VANGL1: variants seen among roughly 807,000 people sequenced by gnomAD.
The protein encoded by VANGL1 is vang-like protein 1.
A neutral mutation model predicts 48.4 loss-of-function variants in VANGL1; 18 were observed. The observed-to-expected ratio is 0.37, with a 90% CI of 0.26 to 0.55. The LOEUF is 0.55. Among genes scored for constraint, VANGL1 ranks in the 20% least tolerant of loss-of-function variants. VANGL1 has a pLI of 0.81. For missense variants in VANGL1, 667 were observed against 675.8 expected, an observed-to-expected ratio of 0.99 and a Z score of 0.14; for synonymous variants, 257 against 261.8, an observed-to-expected ratio of 0.98 and a Z score of 0.18.
chr1:115,660,884 C>T (rs1436011743), intron 3 of VANGL1, among the ~76,000 whole-genome samples: 1 of 152,190 alleles, frequency 6.6e-6, no homozygotes, highest in Non-Finnish European at 1.5e-5. Context: ...TTTAGTGCTG[C>T]CTGCCTTGGC....
intron 4 of VANGL1, among the ~76,000 whole-genome samples, chr1:115,664,484 C>T (rs1652699396): frequency 1.3e-5 from 2 of 152,056 alleles, no homozygotes; most frequent in South Asian, 4.2e-4. Context: ...TGGCTCTCAC[C>T]CAGGTTGAGA....
chr1:115,664,161 C>T lies in VANGL1; in HGVS notation c.705C>T (p.Tyr235=), dbSNP rs770264647. 1 of 1,614,152 alleles carries T rather than the reference C, an allele frequency of 6.2e-7. No homozygotes were observed. Among genetic ancestry groups the T allele is most frequent in the Admixed American group, 1.7e-5 (1 of 60,028 alleles). ...SLVDALLFIH[Y]LAIVLLELRQ... ...TGGATGCCCTCCTCTTCATCCATTA[C>T]CTGGCCATCGTCCTGCTGGAGCTCA... Residue 235 remains tyrosine (Y), a synonymous_variant, in exon 4 of 8, where the codon TAC becomes TAT. Coordinates refer to ENST00000355485, the MANE Select transcript of VANGL1 (RefSeq NM_138959.3).
intron 2 of VANGL1, among the ~76,000 whole-genome samples, chr1:115,654,548 G>C (rs1363776779): frequency 6.7e-6 from 1 of 150,110 alleles, no homozygotes; most frequent in African/African-American, 2.5e-5. Flanking sequence ...AGCTGTTTCT[G>C]GTATTTCATA....
In VANGL1 at chr1:115,657,464, T is replaced by C. The variant is rs576879102; in HGVS notation, c.72-2177T>C. On this transcript the variant is annotated intron_variant, in intron 2 of 7. Coordinates refer to ENST00000355485, the MANE Select transcript of VANGL1 (RefSeq NM_138959.3). ...TTCCTTGTCTGTAGAATGAAGACAATGATACTGCCTTCATAGGATTATTAT... is the reference window on the plus strand; with the variant it reads ...TTCCTTGTCTGTAGAATGAAGACAACGATACTGCCTTCATAGGATTATTAT... Among the ~76,000 whole-genome samples, 4 of 152,290 alleles carry C rather than the reference T, an allele frequency of 2.6e-5. No homozygotes were observed. The South Asian group carries it at 8.3e-4, about 32-fold the overall frequency.
intron 4 of VANGL1, among the ~76,000 whole-genome samples, chr1:115,667,100 A>T (rs1290553789): frequency 6.6e-6 from 1 of 152,244 alleles, no homozygotes; most frequent in Non-Finnish European, 1.5e-5. Context: ...GACCCAGCAG[A>T]ATCACAGGCT....
At chr1:115,686,194 G>A (rs1653610688) in intron 7 of VANGL1, among the ~76,000 whole-genome samples, 1 of 151,958 alleles carries the variant, frequency 6.6e-6, no homozygotes, top group Admixed American at 6.6e-5. Flanking sequence ...TAGAGGAACT[G>A]AAACAGTTAA....
At chr1:115,660,398 A>C (rs1399181450) in intron 3 of VANGL1, among the ~76,000 whole-genome samples, 1 of 152,208 alleles carries the variant, frequency 6.6e-6, no homozygotes, top group Non-Finnish European at 1.5e-5. Context: ...CCAGACACCT[A>C]CTGTTGCTCA....
At chr1:115,654,498 TAAAAAAAAAA>T (rs869142756) in intron 2 of VANGL1, among the ~76,000 whole-genome samples, 3 of 90,822 alleles carry the variant, frequency 3.3e-5, no homozygotes, top group Non-Finnish European at 6.2e-5. Flanking sequence ...TTGGTAGGGC[TAAAAAAAAAA>T]AAAAAAAAAA....
Position 115,685,383 on chromosome 1 carries a change from T to G in VANGL1, c.1170T>G (p.Pro390=). ...AAGCCCCAGGGGAGGTGATGGACCC[T>G]AGGGAGGCCGCCCAGGCCATTTTCC... ...QQKAPGEVMD[P]REAAQAIFPS... The change falls in exon 7 of 8, where the codon CCT becomes CCG. Residue 390 remains proline, a synonymous_variant. Coordinates refer to ENST00000355485, the MANE Select transcript of VANGL1 (RefSeq NM_138959.3). The G allele has an allele frequency of 6.2e-7, 1 of 1,614,006 alleles. No individual in the cohort carries two copies. The highest frequency in any genetic ancestry group is 1.1e-5 in the South Asian group (1 of 91,072).
At chr1:115,661,965 G>A (rs1652574412) in intron 3 of VANGL1, among the ~76,000 whole-genome samples, 1 of 152,154 alleles carries the variant, frequency 6.6e-6, no homozygotes, top group South Asian at 2.1e-4. Flanking sequence ...GAGTGGAATT[G>A]CTGGGCCATA....
chr1:115,659,057 A>G (rs1342980509), intron 2 of VANGL1, among the ~76,000 whole-genome samples: 2 of 152,092 alleles, frequency 1.3e-5, no homozygotes, highest in East Asian at 1.9e-4. Flanking sequence ...TTCAAGTTCA[A>G]CTAGAACCTA....
intron 1 of VANGL1, chr1:115,642,776 C>T (rs1218514197): frequency 6.6e-6 from 1 of 152,210 alleles, no homozygotes; most frequent in African/African-American, 2.4e-5. Context: ...CAAGGTGTCC[C>T]TGCTGGAGGA....
Position 115,697,383 on chromosome 1 carries a change from A to G in VANGL1, c.*6004A>G, listed in dbSNP as rs1465987392. ...TACAAAAATCTAAACTATGGCAATA[A>G]TTTATTTTTATAATAGTTTACGGTA... On this transcript the variant is annotated 3_prime_UTR_variant, in exon 8 of 8. Transcript: ENST00000355485. The G allele has an allele frequency of 6.6e-6, 1 of 152,218 alleles. No homozygotes were observed. The highest frequency in any genetic ancestry group is 1.5e-5 in the Non-Finnish European group (1 of 68,044). 9.4% of individuals were successfully genotyped at this position (152,218 alleles called of 1,614,324 possible).
rs1405811101 is a variant in VANGL1, at chr1:115,685,451, G to A, written c.1238G>A (p.Arg413Gln). 13 of 1,613,954 alleles carry A rather than the reference G, an allele frequency of 8.1e-6. No individual in the cohort carries two copies. In the South Asian group the frequency reaches 8.8e-5, roughly 11 times the overall value. ...RALQKYLRIT[R>Q]QQNYHSMESI... is the part of the protein sequence containing the mutation. ...CTCCAGAAGTACCTGCGCATCACCC[G>A]GCAGCAGAACTACCACAGCATGGAG... The change falls in exon 7 of 8, where the codon CGG (arginine) becomes CAG (glutamine). Residue 413 changes from arginine (R) to glutamine (Q), a missense_variant. By Grantham distance (43) the Arg-to-Gln change is conservative. Transcript: ENST00000355485.
At chr1:115,672,316 T>G (rs931827769) in intron 4 of VANGL1, among the ~76,000 whole-genome samples, 1 of 152,152 alleles carries the variant, frequency 6.6e-6, no homozygotes, top group Non-Finnish European at 1.5e-5. Flanking sequence ...ACAGCTTGAA[T>G]TTCAAACCAA....
chr1:115,685,003 A>G (rs1038104848), intron 6 of VANGL1, among the ~76,000 whole-genome samples: 4 of 152,190 alleles, frequency 2.6e-5, no homozygotes, highest in Non-Finnish European at 4.4e-5. Flanking sequence ...GGACTAGTGC[A>G]TTTCCCAAGC....
rs1653667322 is a variant in VANGL1, at chr1:115,687,256, T to A, written c.1314+1729T>A. On this transcript the variant is annotated intron_variant, in intron 7 of 7. Coordinates refer to ENST00000355485, the MANE Select transcript of VANGL1 (RefSeq NM_138959.3). Reference sequence around the variant, plus strand: ...TCCACAATGGAAATAATTTAAAACATAACAGTGGCTTATAAATTATGGTGT... The same window carrying A: ...TCCACAATGGAAATAATTTAAAACAAAACAGTGGCTTATAAATTATGGTGT... 1.4e-5 allele frequency among the ~76,000 whole-genome samples: 2 copies of A among 139,150 alleles called. 1 individual carries two copies. The highest frequency in any genetic ancestry group is 4.8e-4 in the South Asian group (2 of 4,172). The allele number at this position is 139,150 out of a possible 152,430, so 91.3% of individuals were successfully genotyped here.
intron 6 of VANGL1, among the ~76,000 whole-genome samples, chr1:115,684,624 C>T (rs992898812): frequency 1.3e-5 from 2 of 152,150 alleles, no homozygotes; most frequent in Non-Finnish European, 2.9e-5. Flanking sequence ...CTTGCAGAGA[C>T]CCTACCCAAT....
chr1:115,672,268 G>C (rs906422964), intron 4 of VANGL1, among the ~76,000 whole-genome samples: 2 of 152,168 alleles, frequency 1.3e-5, no homozygotes, highest in African/African-American at 4.8e-5. Flanking sequence ...CAATCTGCAT[G>C]TTCATCTTTC....
Sources: allele counts gnomAD v4.1 joint callset (sites outside exome capture counted in the v4.1 genomes callset), GRCh38; gene constraint gnomAD v4.1.1; transcripts MANE v1.5; gene names NCBI Gene and HGNC (gene_info 2026-07-23, HGNC 2026-07-21).